The following IP6K2 variants were observed in gnomAD, a reference collection of about 807,000 sequenced individuals.
IP6K2 encodes the protein inositol hexakisphosphate kinase 2.
IP6K2 carries 9 observed loss-of-function variants against 43.3 expected under a neutral mutation model. The observed-to-expected ratio is 0.21, with a 90% CI of 0.13 to 0.36. The LOEUF (loss-of-function observed/expected upper bound fraction) is 0.36. IP6K2 is among the 10% of genes least tolerant of loss of function. IP6K2 has a pLI of 1.00. For synonymous variants in IP6K2, 209 were observed against 202.4 expected (o/e 1.03, Z -0.28); for missense variants, 332 against 538.4 (o/e 0.62, Z 3.79).
chr3:48,691,208 G>T, intron 4 of IP6K2, 99 bp downstream of exon 4: 1 of 965,732 alleles, frequency 1.0e-6, no homozygotes, highest in Non-Finnish European at 1.6e-6. Flanking sequence ...ACTCAACCAT[G>T]ACTATAAAAA....
rs2079139816 is a variant in IP6K2, at chr3:48,702,281, T to C, written c.-130-6860A>G. ...TAGAGGAAAAAATATCAACATCAAA[T>C]GTGGCCCAATTATACTGGCTTCCTT... On this transcript the variant is annotated intron_variant, in intron 1 of 5. Coordinates refer to ENST00000328631, the MANE Select transcript of IP6K2 (RefSeq NM_016291.4). Among the ~76,000 whole-genome samples the C allele has an allele frequency of 2.0e-5, 3 of 152,030 alleles. No individual in the cohort carries two copies. In the South Asian group the frequency reaches 6.2e-4, roughly 32 times the overall value.
chr3:48,691,026 C>G (rs2077738055), intron 4 of IP6K2, among the ~76,000 whole-genome samples: 1 of 152,016 alleles, frequency 6.6e-6, no homozygotes, highest in Non-Finnish European at 1.5e-5. Context: ...GTTACCTAGG[C>G]TAAAGCCCAC....
chr3:48,698,546 T>C (rs181951903), intron 1 of IP6K2, among the ~76,000 whole-genome samples: 4 of 152,302 alleles, frequency 2.6e-5, no homozygotes, highest in African/African-American at 7.2e-5. Flanking sequence ...CTTGGCTCAC[T>C]GCAACCTCTG....
intron 1 of IP6K2, chr3:48,708,106 G>T (rs1202215082): frequency 6.6e-6 from 1 of 151,922 alleles, no homozygotes; most frequent in Non-Finnish European, 1.5e-5. Context: ...ATAGCCAGGT[G>T]CAATGGCGCA....
At chr3:48,710,678 C>T (rs1423878955) in intron 1 of IP6K2, among the ~76,000 whole-genome samples, 1 of 151,764 alleles carries the variant, frequency 6.6e-6, no homozygotes, top group Non-Finnish European at 1.5e-5. Context: ...GGCGGGATCT[C>T]GGCTCACTGC....
In IP6K2 at chr3:48,688,218, C is replaced by T; in HGVS notation, c.*55G>A. 6.3e-7 allele frequency: 1 copy of T among 1,582,894 alleles called. No homozygotes were observed. The highest frequency in any genetic ancestry group is 1.2e-5 in the South Asian group (1 of 85,612). On this transcript the variant is annotated 3_prime_UTR_variant, in exon 6 of 6. Coordinates refer to ENST00000328631, the MANE Select transcript of IP6K2 (RefSeq NM_016291.4). This position sits in a 1 kb window ranked among gnomAD's most constrained non-coding sequence, Gnocchi z 5.1. ...CATACTGGCTTCCTCCCTGACGCAGCACAGCTGTGCCTGGGACACAGAGTC... is the reference window on the plus strand; with the variant it reads ...CATACTGGCTTCCTCCCTGACGCAGTACAGCTGTGCCTGGGACACAGAGTC...
At chr3:48,702,491 A>G (rs1487554974) in intron 1 of IP6K2, among the ~76,000 whole-genome samples, 3 of 149,748 alleles carry the variant, frequency 2.0e-5, no homozygotes, top group East Asian at 2.0e-4. Context: ...TGCCCAGGCT[A>G]AAAGTGCAGT....
intron 1 of IP6K2, chr3:48,715,252 C>T: frequency 6.5e-7 from 1 of 1,528,900 alleles, no homozygotes; most frequent in Non-Finnish European, 8.8e-7. Context: ...AATAACTTCA[C>T]TTAAAGGGAA....
chr3:48,702,900 AT>A (rs1196135279), intron 1 of IP6K2, among the ~76,000 whole-genome samples: 1 of 152,220 alleles, frequency 6.6e-6, no homozygotes, highest in Admixed American at 6.5e-5. Flanking sequence ...CTACTGTGTC[AT>A]GAATACCTAA....
At chr3:48,693,629 T>A in intron 2 of IP6K2, 1 of 1,134,510 alleles carries the variant, frequency 8.8e-7, no homozygotes, top group Middle Eastern at 4.1e-4. Context: ...TGCCTGAGGG[T>A]TAAGAAGCAT....
At chr3:48,715,315 C>G in intron 1 of IP6K2, 1 of 1,536,140 alleles carries the variant, frequency 6.5e-7, no homozygotes, top group Non-Finnish European at 8.7e-7. Flanking sequence ...AAATTTTCAC[C>G]TCAGTAAGCT....
intron 4 of IP6K2, 133 bp from the exon 5 acceptor site, chr3:48,689,846 C>G: frequency 1.5e-6 from 1 of 684,422 alleles, no homozygotes; most frequent in Non-Finnish European, 2.4e-6. Flanking sequence ...GTCCTGCCAT[C>G]CCCGACACAG....
chr3:48,704,443 A>C (rs1485103632), intron 1 of IP6K2, among the ~76,000 whole-genome samples: 1 of 151,594 alleles, frequency 6.6e-6, no homozygotes, highest in Non-Finnish European at 1.5e-5. Context: ...CCAATTTTAT[A>C]TTTTTTAACC....
In IP6K2 at chr3:48,695,371, G is replaced by A. The variant is rs201123875; in HGVS notation, c.-80C>T. 3.2e-5 allele frequency: 48 copies of A among 1,491,552 alleles called. No individual in the cohort carries two copies. The highest frequency in any genetic ancestry group is 3.9e-5 in the Non-Finnish European group (44 of 1,120,162). The allele number at this position is 1,491,552 out of a possible 1,614,324, so 92.4% of individuals were successfully genotyped here. Reference sequence around the variant, plus strand: ...TACGTCTTCTGTCTGTTGTTTGTCCGTGTGTCCCTCTCGTCTTGGCTCCTT... The same window carrying A: ...TACGTCTTCTGTCTGTTGTTTGTCCATGTGTCCCTCTCGTCTTGGCTCCTT... On this transcript the variant is annotated 5_prime_UTR_variant, in exon 2 of 6. In the 5' UTR this introduces an upstream ATG that the reference lacks. Transcript: ENST00000328631. This position sits in a 1 kb window ranked among gnomAD's most constrained non-coding sequence, Gnocchi z 4.6.
intron 1 of IP6K2, among the ~76,000 whole-genome samples, chr3:48,703,906 C>T (rs983414277): frequency 1.2e-4 from 19 of 152,030 alleles, no homozygotes; most frequent in East Asian, 7.7e-4. Context: ...GCCTAGCCAA[C>T]GTGGTGAAAC....
intron 1 of IP6K2, chr3:48,716,500 G>A (rs1264899247): frequency 6.6e-6 from 1 of 152,188 alleles, no homozygotes; most frequent in African/African-American, 2.4e-5. Context: ...AAGCCATTAG[G>A]ATGCAAAAGA....
chr3:48,714,628 T>C (rs904486890), intron 1 of IP6K2, among the ~76,000 whole-genome samples: 1 of 152,120 alleles, frequency 6.6e-6, no homozygotes, highest in African/African-American at 2.4e-5. Context: ...CCTGACCTCA[T>C]GATCCAACCG....
At chr3:48,694,997 A>G (rs753082181) in intron 2 of IP6K2, 93 bp downstream of exon 2, 2 of 1,610,368 alleles carry the variant, frequency 1.2e-6, no homozygotes, top group South Asian at 2.2e-5. Context: ...GGAGGGAGTG[A>G]GGGCTCCAGG....
intron 1 of IP6K2, among the ~76,000 whole-genome samples, chr3:48,701,136 G>C (rs1393772101): frequency 6.6e-6 from 1 of 152,208 alleles, no homozygotes; most frequent in African/African-American, 2.4e-5. Context: ...TTGGGAGGCC[G>C]AGGCGGGTGG....
Sources: allele counts gnomAD v4.1 joint callset (sites outside exome capture counted in the v4.1 genomes callset), GRCh38; gene constraint gnomAD v4.1.1; non-coding constraint Gnocchi (gnomAD v3.1); transcripts MANE v1.5; gene names NCBI Gene and HGNC (gene_info 2026-07-23, HGNC 2026-07-21).